The following RBFOX1 variants were observed in gnomAD, a reference collection of about 807,000 sequenced individuals.
RBFOX1 encodes RNA binding protein fox-1 homolog 1.
In RBFOX1, 8 loss-of-function variants were observed where a neutral mutation model predicts 57.7. That is an observed-to-expected ratio of 0.14 (90% CI 0.08 to 0.25). The LOEUF is 0.25. Among genes scored for constraint, RBFOX1 ranks in the 10% least tolerant of loss-of-function variants. The pLI is 1.00. For missense variants in RBFOX1, 611 were observed against 548.5 expected (o/e 1.11, Z -1.14); for synonymous variants, 326 against 222.4 (o/e 1.47, Z -4.15).
intron 3 of RBFOX1, among the ~76,000 whole-genome samples, chr16:7,008,400 G>T (rs1483696779): frequency 2.0e-5 from 3 of 151,922 alleles, no homozygotes; most frequent in African/African-American, 7.3e-5. Context: ...AAATTAGCCA[G>T]GCATGGTGGC....
intron 4 of RBFOX1, among the ~76,000 whole-genome samples, chr16:7,454,574 C>T (rs149596610): frequency 6.6e-6 from 1 of 152,034 alleles, no homozygotes; most frequent in Admixed American, 6.6e-5. Flanking sequence ...GGTTATGTCC[C>T]CTACCTTGGT....
At chr16:7,590,863 GAAAAA>G (rs36061659) in intron 7 of RBFOX1, among the ~76,000 whole-genome samples, 1 of 102,922 alleles carries the variant, frequency 9.7e-6, no homozygotes, top group Admixed American at 1.1e-4. Flanking sequence ...CTGTCTCTAA[GAAAAA>G]AAAAAAAAAA....
At chr16:5,710,552 G>T (rs1274413218) in intron 3 of RBFOX1, among the ~76,000 whole-genome samples, 1 of 152,200 alleles carries the variant, frequency 6.6e-6, no homozygotes, top group East Asian at 1.9e-4. Flanking sequence ...TCTCAAGGCA[G>T]CTTCCCAATT....
At chr16:5,857,032 C>G (rs548524058) in intron 3 of RBFOX1, among the ~76,000 whole-genome samples, 1 of 152,144 alleles carries the variant, frequency 6.6e-6, no homozygotes, top group Admixed American at 6.6e-5. Context: ...ATGCTTTTCT[C>G]ACAAAGTTTA....
Position 6,767,364 on chromosome 16 carries a change from T to A in RBFOX1, c.-16+112714T>A, listed in dbSNP as rs139936677. On this transcript the variant is annotated intron_variant, in intron 3 of 15. Transcript: ENST00000550418. ...GGCCATTTCTCTGCCCCCCTGAGAA[T>A]GTGGCCAACCTCCTAGAAAGACCAC... Among the ~76,000 whole-genome samples, 231 of 152,266 alleles carry A rather than the reference T, an allele frequency of 1.5e-3. 1 individual carries two copies. In the East Asian group the frequency reaches 0.024, roughly 16 times the overall value.
intron 2 of RBFOX1, among the ~76,000 whole-genome samples, chr16:5,588,715 A>G (rs2046910875): frequency 6.6e-6 from 1 of 152,120 alleles, no homozygotes; most frequent in South Asian, 2.1e-4. Context: ...TATATCCAAC[A>G]ATGATCACTC....
At chr16:6,206,132 C>T (rs1266512951) in intron 1 of RBFOX1, among the ~76,000 whole-genome samples, 1 of 152,080 alleles carries the variant, frequency 6.6e-6, no homozygotes, top group African/African-American at 2.4e-5. Flanking sequence ...TCAAATCTGA[C>T]TCAGGAAGAA....
At chr16:6,884,083 T>C (rs938696706) in intron 3 of RBFOX1, among the ~76,000 whole-genome samples, 19 of 152,294 alleles carry the variant, frequency 1.2e-4, no homozygotes, top group African/African-American at 2.2e-4. Context: ...TGCTGTGTTA[T>C]GCAAGCACCT....
intron 1 of RBFOX1, among the ~76,000 whole-genome samples, chr16:6,162,100 G>C (rs1027557610): frequency 2.0e-5 from 3 of 152,160 alleles, no homozygotes; most frequent in African/African-American, 7.2e-5. Context: ...GATTTCCAAA[G>C]AACAGGATTT....
intron 2 of RBFOX1, among the ~76,000 whole-genome samples, chr16:6,411,069 T>G (rs2152970783): frequency 6.6e-6 from 1 of 152,280 alleles, no homozygotes. Context: ...AAGCTAGTAT[T>G]ATTCCCCTAC....
chr16:6,906,108 A>T (rs1361147352), intron 3 of RBFOX1, among the ~76,000 whole-genome samples: 1 of 81,552 alleles, frequency 1.2e-5, no homozygotes, highest in African/African-American at 6.7e-5. Context: ...CTTTATCATT[A>T]AAAAAAAATT....
In RBFOX1 at chr16:5,773,789, C is replaced by T. The variant is rs530837607; in HGVS notation, c.319-93514C>T. ...CTCGGCTCACTGCAACCTCCATCTTCCAGGTTCAAGCGGTTCTACTGCCTC... is the reference window on the plus strand; with the variant it reads ...CTCGGCTCACTGCAACCTCCATCTTTCAGGTTCAAGCGGTTCTACTGCCTC... On this transcript the variant is annotated intron_variant, in intron 3 of 19. Coordinates refer to the RBFOX1 transcript ENST00000641259. Among the ~76,000 whole-genome samples the T allele has an allele frequency of 1.2e-3, 187 of 151,500 alleles. 2 individuals are homozygous for T. Among genetic ancestry groups the T allele is most frequent in the African/African-American group, 3.8e-3 (157 of 41,214 alleles).
chr16:7,199,929 A>T (rs2087871693), intron 4 of RBFOX1, among the ~76,000 whole-genome samples: 1 of 152,072 alleles, frequency 6.6e-6, no homozygotes, highest in South Asian at 2.1e-4. Context: ...AACAACAACA[A>T]CAAAGAAATT....
intron 4 of RBFOX1, among the ~76,000 whole-genome samples, chr16:7,316,242 T>G (rs73559873): frequency 0.021 from 3,244 of 152,300 alleles, 61 homozygotes; most frequent in African/African-American, 0.051. Flanking sequence ...CTATATTACA[T>G]AAGACAACTA....
intron 3 of RBFOX1, among the ~76,000 whole-genome samples, chr16:5,771,818 G>C (rs140685820): frequency 0.012 from 1,840 of 152,328 alleles, 15 homozygotes; most frequent in Non-Finnish European, 0.017. Context: ...TGTAGTGTTT[G>C]AAGTGATGAC....
intron 4 of RBFOX1, among the ~76,000 whole-genome samples, chr16:7,145,182 C>T (rs970011529): frequency 3.9e-5 from 6 of 151,964 alleles, no homozygotes; most frequent in South Asian, 2.1e-4. Flanking sequence ...TACCCCCTAC[C>T]CTTTTTTGTT....
intron 1 of RBFOX1, among the ~76,000 whole-genome samples, chr16:5,306,779 C>G (rs1408660922): frequency 6.6e-6 from 1 of 152,198 alleles, no homozygotes; most frequent in African/African-American, 2.4e-5. Context: ...TCCCAGTCTG[C>G]TCTGTTCTGC....
At chr16:7,507,396 G>C (rs962728343) in intron 4 of RBFOX1, among the ~76,000 whole-genome samples, 13 of 152,044 alleles carry the variant, frequency 8.6e-5, no homozygotes, top group East Asian at 1.9e-4. Flanking sequence ...CAGCCTAAGA[G>C]ATCAGACTGA....
intron 2 of RBFOX1, among the ~76,000 whole-genome samples, chr16:6,495,442 A>G (rs139968511): frequency 5.5e-4 from 82 of 148,338 alleles, no homozygotes; most frequent in Non-Finnish European, 9.3e-4. Context: ...ACAGCCATCT[A>G]TAAGATGATG....
Sources: allele counts gnomAD v4.1 joint callset (sites outside exome capture counted in the v4.1 genomes callset), GRCh38; gene constraint gnomAD v4.1.1; transcripts MANE v1.5; gene names NCBI Gene and HGNC (gene_info 2026-07-23, HGNC 2026-07-21).